The following TTC28 variants were observed in gnomAD, a reference collection of about 807,000 sequenced individuals.
The protein encoded by TTC28 is tetratricopeptide repeat domain 28.
TTC28 carries 61 observed loss-of-function variants against 198.0 expected under a neutral mutation model. The observed-to-expected ratio is 0.31, with a 90% confidence interval of 0.25 to 0.38. TTC28 has a LOEUF of 0.38. Ranked by LOEUF, TTC28 falls within the 10% of genes least tolerant of loss-of-function variation. TTC28 has a pLI of 1.00. For missense variants in TTC28, 2,678 were observed against 3,164.0 expected (o/e 0.85, Z 3.69); for synonymous variants, 1,171 against 1,297.8 (o/e 0.90, Z 2.10).
intron 12 of TTC28, among the ~76,000 whole-genome samples, chr22:28,073,266 T>A (rs1315423772): frequency 1.3e-5 from 2 of 152,170 alleles, no homozygotes; most frequent in African/African-American, 4.8e-5. Flanking sequence ...AAGGTCTGAT[T>A]TTGGATAGGC....
At chr22:28,574,345 T>C (rs1330912464) in intron 2 of TTC28, among the ~76,000 whole-genome samples, 1 of 151,756 alleles carries the variant, frequency 6.6e-6, no homozygotes, top group African/African-American at 2.4e-5. Flanking sequence ...CGAATAGTAC[T>C]CCACTGTTTG....
chr22:28,018,869 C>T (rs778692179), intron 13 of TTC28, among the ~76,000 whole-genome samples: 10 of 152,186 alleles, frequency 6.6e-5, no homozygotes, highest in East Asian at 1.9e-4. Context: ...GTTGTATGGG[C>T]GGACCCAAGG....
chr22:28,596,250 C>A (rs941518739), intron 2 of TTC28, among the ~76,000 whole-genome samples: 1 of 151,822 alleles, frequency 6.6e-6, no homozygotes, highest in African/African-American at 2.4e-5. Flanking sequence ...GGAAGAAATG[C>A]AAATATTAAA....
intron 12 of TTC28, among the ~76,000 whole-genome samples, chr22:28,046,902 A>G (rs543285964): frequency 3.9e-5 from 6 of 152,256 alleles, no homozygotes; most frequent in Admixed American, 1.3e-4. Context: ...GGAGGTGTCA[A>G]TGCAATAAAT....
intron 2 of TTC28, among the ~76,000 whole-genome samples, chr22:28,529,214 T>C (rs998111553): frequency 1.5e-4 from 23 of 149,686 alleles, no homozygotes; most frequent in Non-Finnish European, 2.5e-4. Context: ...CCCACCCTAA[T>C]ACTGTGCTTT....
At chr22:28,437,207 T>C (rs894612911) in intron 2 of TTC28, among the ~76,000 whole-genome samples, 4 of 152,058 alleles carry the variant, frequency 2.6e-5, no homozygotes, top group Non-Finnish European at 5.9e-5. Context: ...CTCAGCCAGC[T>C]GAGTTGCTGG....
intron 5 of TTC28, among the ~76,000 whole-genome samples, chr22:28,282,386 C>T (rs1198350376): frequency 6.6e-6 from 1 of 152,052 alleles, no homozygotes; most frequent in Non-Finnish European, 1.5e-5. Flanking sequence ...AGTCAATGTA[C>T]AAAAGACTCT....
At chr22:28,018,462 C>T (rs1221256684) in intron 13 of TTC28, among the ~76,000 whole-genome samples, 1 of 152,234 alleles carries the variant, frequency 6.6e-6, no homozygotes, top group Non-Finnish European at 1.5e-5. Flanking sequence ...GACTTTCTCC[C>T]TGAGCAGGAG....
intron 6 of TTC28, among the ~76,000 whole-genome samples, chr22:28,156,728 T>A (rs1219166450): frequency 2.6e-5 from 4 of 152,178 alleles, no homozygotes. Flanking sequence ...AAGTCAGAGC[T>A]GGTGAATATA....
At chr22:28,480,976 A>C (rs1018578333) in intron 2 of TTC28, among the ~76,000 whole-genome samples, 10 of 152,170 alleles carry the variant, frequency 6.6e-5, no homozygotes, top group African/African-American at 2.4e-4. Context: ...GATGATTATC[A>C]AGGTTAAATG....
Position 28,304,252 on chromosome 22 carries a change from T to G in TTC28, c.529+2244A>C, listed in dbSNP as rs2045089621. On this transcript the variant is annotated intron_variant, in intron 3 of 22. Coordinates refer to ENST00000397906, the MANE Select transcript of TTC28 (RefSeq NM_001145418.2). The stretch of plus-strand genomic sequence containing the variant: ...GTGAGCCGAGATGGCGCCACTGCAC[T>G]CCAGCCTGGGCGACAGAGCGAGACT... Among the ~76,000 whole-genome samples the G allele has an allele frequency of 1.3e-5, 2 of 150,068 alleles. 1 individual carries two copies. Among genetic ancestry groups the G allele is most frequent in the African/African-American group, 4.9e-5 (2 of 40,598 alleles).
chr22:28,578,429 A>G (rs990859963), intron 2 of TTC28, among the ~76,000 whole-genome samples: 1 of 152,202 alleles, frequency 6.6e-6, no homozygotes, highest in African/African-American at 2.4e-5. Context: ...GTTGAACTGA[A>G]CAAATTATTT....
chr22:28,098,902 C>T lies in TTC28; in HGVS notation c.3547+13G>A. On this transcript the variant is annotated intron_variant, in intron 10 of 22. Transcript: ENST00000397906. The stretch of plus-strand genomic sequence containing the variant: ...TGCACACGTAAGCAAGGAGTAACCC[C>T]AGCTGTTCTCACCTAGGCTGACGAG... 2 of 1,551,410 alleles carry T rather than the reference C, an allele frequency of 1.3e-6. No individual in the cohort carries two copies. Among genetic ancestry groups the T allele is most frequent in the Non-Finnish European group, 1.7e-6 (2 of 1,146,818 alleles).
At chr22:28,138,578 G>A (rs555020950) in intron 6 of TTC28, among the ~76,000 whole-genome samples, 4 of 152,246 alleles carry the variant, frequency 2.6e-5, no homozygotes, top group East Asian at 1.9e-4. Flanking sequence ...AAAACAATCC[G>A]GGAATATGTT....
At chr22:28,234,486 C>T (rs1741475485) in intron 5 of TTC28, among the ~76,000 whole-genome samples, 1 of 152,082 alleles carries the variant, frequency 6.6e-6, no homozygotes, top group South Asian at 2.1e-4. Flanking sequence ...GATTCTCCTG[C>T]CTCAGCCTCC....
chr22:28,523,926 C>A, intron 2 of TTC28, among the ~76,000 whole-genome samples: 1 of 152,084 alleles, frequency 6.6e-6, no homozygotes, highest in South Asian at 2.1e-4. Flanking sequence ...TCTTCCTTTT[C>A]CTCCTTTCAA....
chr22:28,606,089 TTTTTTG>T (rs2050727268), intron 2 of TTC28, among the ~76,000 whole-genome samples: 1 of 150,620 alleles, frequency 6.6e-6, no homozygotes, highest in Non-Finnish European at 1.5e-5. Context: ...AATACTTTTT[TTTTTTG>T]TTTTTTGAGA....
intron 2 of TTC28, among the ~76,000 whole-genome samples, chr22:28,586,146 G>A (rs1440667516): frequency 6.6e-6 from 1 of 151,914 alleles, no homozygotes; most frequent in East Asian, 1.9e-4. Context: ...GGGCGTGGTG[G>A]TGGGCGCCTG....
intron 5 of TTC28, among the ~76,000 whole-genome samples, chr22:28,254,451 G>C (rs1930744158): frequency 6.6e-6 from 1 of 150,648 alleles, no homozygotes; most frequent in Non-Finnish European, 1.5e-5. Context: ...AGGAAGAAGA[G>C]CACTTCAAAA....
Sources: gnomAD v4.1 joint callset for allele counts (sites outside exome capture counted in the v4.1 genomes callset) on GRCh38, gnomAD v4.1.1 for gene constraint, MANE v1.5 for transcripts, NCBI Gene and HGNC (gene_info 2026-07-23, HGNC 2026-07-21) for gene names.